The following NRXN3 variants were observed in gnomAD, a reference collection of about 807,000 sequenced individuals.
NRXN3 encodes the protein neurexin III.
Under a neutral mutation model 137.6 loss-of-function variants are expected in NRXN3, and 32 were observed. That is an observed-to-expected ratio of 0.23 (90% CI 0.18 to 0.31). NRXN3 has a LOEUF of 0.31. Ranked by LOEUF, NRXN3 falls within the 10% of genes least tolerant of loss-of-function variation. The probability of loss-of-function intolerance (pLI) is 1.00; values close to 1 mark genes in which losing one functional copy is unlikely to be tolerated. For missense variants in NRXN3, 1,574 were observed against 2,062.5 expected, an observed-to-expected ratio of 0.76 and a Z score of 4.59; for synonymous variants, 798 against 784.5, an observed-to-expected ratio of 1.02 and a Z score of -0.29.
chr14:78,189,142 G>A (rs905807296), intron 1 of NRXN3, among the ~76,000 whole-genome samples: 9 of 152,050 alleles, frequency 5.9e-5, no homozygotes, highest in East Asian at 1.9e-4. Flanking sequence ...ATCTACCAGC[G>A]AATCCTGTCA....
At position 78,376,003 on chromosome 14, in the gene NRXN3, T is replaced by TACACACACACACACAC. The variant is rs10623539; in HGVS notation, c.757+78145_757+78160dup. 8.6e-4 allele frequency among the ~76,000 whole-genome samples: 126 copies of TACACACACACACACAC among 146,824 alleles called. 1 individual carries two copies. Among genetic ancestry groups the TACACACACACACACAC allele is most frequent in the African/African-American group, 2.8e-3 (112 of 39,644 alleles). On this transcript the variant is annotated intron_variant, in intron 4 of 20. Transcript: ENST00000335750. ...GCTGGTTCAACTTCTTCCTCCTTGATACACACACACACACACATACACACA... is the reference window on the plus strand; with the variant it reads ...GCTGGTTCAACTTCTTCCTCCTTGATACACACACACACACACACACACACACACACACATACACACA...
In NRXN3 at chr14:79,731,133, A is replaced by G. The variant is rs1238830178; in HGVS notation, c.4014+33196A>G. On this transcript the variant is annotated intron_variant, in intron 19 of 20. Transcript: ENST00000335750. ...AATAGTGGTGTTTTCTGAGATCTCA[A>G]CTCAACTGTGCAGGGTAGATCGAAT... Among the ~76,000 whole-genome samples the G allele has an allele frequency of 3.9e-5, 6 of 152,214 alleles. No individual in the cohort carries two copies. The East Asian group carries it at 1.2e-3, about 29-fold the overall frequency.
At chr14:78,547,707 A>G (rs2096649998) in intron 4 of NRXN3, among the ~76,000 whole-genome samples, 1 of 151,860 alleles carries the variant, frequency 6.6e-6, no homozygotes, top group African/African-American at 2.4e-5. Flanking sequence ...AGATGTATTT[A>G]TAAATATTTT....
chr14:79,342,386 A>G (rs1413187659), intron 15 of NRXN3, among the ~76,000 whole-genome samples: 2 of 152,180 alleles, frequency 1.3e-5, no homozygotes, highest in Non-Finnish European at 2.9e-5. Context: ...TCTGAACCAA[A>G]TACATTATTT....
intron 1 of NRXN3, among the ~76,000 whole-genome samples, chr14:78,214,861 G>A (rs976041669): frequency 1.3e-5 from 2 of 152,146 alleles, no homozygotes; most frequent in Non-Finnish European, 2.9e-5. Flanking sequence ...TTGCTGTGGG[G>A]GGCCTTGCGT....
intron 4 of NRXN3, among the ~76,000 whole-genome samples, chr14:78,372,844 G>C (rs2087116078): frequency 1.3e-5 from 2 of 152,076 alleles, no homozygotes; most frequent in African/African-American, 4.8e-5. Context: ...TCTTCCTCTT[G>C]AATAAAATTA....
At chr14:79,377,616 C>T (rs2094342855) in intron 15 of NRXN3, among the ~76,000 whole-genome samples, 3 of 151,984 alleles carry the variant, frequency 2.0e-5, no homozygotes, top group African/African-American at 7.2e-5. Context: ...ATTAGTCAAG[C>T]ATGGTGTCGT....
At chr14:79,756,270 C>T (rs1338747827) in intron 19 of NRXN3, among the ~76,000 whole-genome samples, 3 of 152,248 alleles carry the variant, frequency 2.0e-5, no homozygotes, top group Admixed American at 1.3e-4. Context: ...CAAACATACT[C>T]AGATACACTT....
intron 8 of NRXN3, among the ~76,000 whole-genome samples, chr14:78,752,576 C>T (rs936981398): frequency 1.1e-4 from 17 of 152,102 alleles, no homozygotes; most frequent in Non-Finnish European, 2.1e-4. Flanking sequence ...GTTCAGGGCT[C>T]TATGGGGATT....
chr14:79,340,056 AT>A (rs1165025157), intron 15 of NRXN3, among the ~76,000 whole-genome samples: 8 of 152,132 alleles, frequency 5.3e-5, no homozygotes, highest in African/African-American at 1.4e-4. Context: ...ATGGCATTAG[AT>A]TGTCCTCACT....
intron 10 of NRXN3, among the ~76,000 whole-genome samples, chr14:78,858,159 A>G (rs2099062634): frequency 6.6e-6 from 1 of 152,174 alleles, no homozygotes; most frequent in Non-Finnish European, 1.5e-5. Flanking sequence ...TTCCATCTGC[A>G]GAAGGTGAGT....
intron 6 of NRXN3, among the ~76,000 whole-genome samples, chr14:78,651,761 A>G (rs922748587): frequency 3.9e-5 from 6 of 152,182 alleles, no homozygotes; most frequent in African/African-American, 9.7e-5. Flanking sequence ...CTTATTCACT[A>G]TCATGAGAAC....
rs138423457 is a variant in NRXN3, at chr14:78,825,458, T to C, written c.2275+15114T>C. Among the ~76,000 whole-genome samples the C allele has an allele frequency of 3.3e-3, 500 of 152,336 alleles. 4 individuals carry two copies. The highest frequency in any genetic ancestry group is 0.011 in the African/African-American group (476 of 41,568). On this transcript the variant is annotated intron_variant, in intron 10 of 20. Coordinates refer to ENST00000335750, the MANE Select transcript of NRXN3 (RefSeq NM_001330195.2). ...GATTTTTCCAAGCCGTCATTATTAGTAATAAGAGCTACAATATCATTGGAT... is the reference window on the plus strand; with the variant it reads ...GATTTTTCCAAGCCGTCATTATTAGCAATAAGAGCTACAATATCATTGGAT...
At chr14:78,358,148 G>C (rs1222525594) in intron 4 of NRXN3, among the ~76,000 whole-genome samples, 1 of 152,086 alleles carries the variant, frequency 6.6e-6, no homozygotes, top group African/African-American at 2.4e-5. Flanking sequence ...GTTTCATTTT[G>C]GAAAAAGAGA....
intron 20 of NRXN3, among the ~76,000 whole-genome samples, chr14:79,829,254 TC>T (rs1230798757): frequency 6.6e-6 from 1 of 152,222 alleles, no homozygotes; most frequent in African/African-American, 2.4e-5. Flanking sequence ...AATAACACTT[TC>T]TCCAGAAAGG....
intron 11 of NRXN3, among the ~76,000 whole-genome samples, chr14:78,964,954 A>G (rs1294020767): frequency 6.6e-6 from 1 of 152,152 alleles, no homozygotes; most frequent in Non-Finnish European, 1.5e-5. Flanking sequence ...AAGGGAGTCT[A>G]TTGCCACACA....
intron 10 of NRXN3, among the ~76,000 whole-genome samples, chr14:78,945,735 T>C (rs2099363903): frequency 6.6e-6 from 1 of 152,326 alleles, no homozygotes; most frequent in African/African-American, 2.4e-5. Flanking sequence ...GGAATCCTAG[T>C]GACTTAAATG....
intron 4 of NRXN3, among the ~76,000 whole-genome samples, chr14:78,518,971 C>T (rs902645711): frequency 6.6e-6 from 1 of 152,126 alleles, no homozygotes; most frequent in African/African-American, 2.4e-5. Context: ...GGAACTGTCA[C>T]TCTTCTTCAA....
intron 4 of NRXN3, among the ~76,000 whole-genome samples, chr14:78,602,090 G>A (rs772134754): frequency 1.3e-5 from 2 of 152,070 alleles, no homozygotes; most frequent in Non-Finnish European, 2.9e-5. Flanking sequence ...TGAGATGGGC[G>A]CTGACCTGTA....
Sources: allele counts gnomAD v4.1 joint callset (sites outside exome capture counted in the v4.1 genomes callset), GRCh38; gene constraint gnomAD v4.1.1; transcripts MANE v1.5; gene names NCBI Gene and HGNC (gene_info 2026-07-23, HGNC 2026-07-21).